ATF2: variants seen among roughly 807,000 people sequenced by gnomAD.
ATF2 encodes the protein cyclic AMP-dependent transcription factor ATF-2.
A neutral mutation model predicts 60.6 loss-of-function variants in ATF2; 24 were observed. The observed-to-expected ratio is 0.40, with a 90% CI of 0.29 to 0.56. The LOEUF is 0.56. Among genes scored for constraint, ATF2 ranks in the 20% least tolerant of loss-of-function variants. The pLI, the probability that ATF2 is intolerant of heterozygous loss-of-function variation, is 0.54. For synonymous variants in ATF2, 206 were observed against 215.4 expected, an observed-to-expected ratio of 0.96 and a Z score of 0.38; for missense variants, 433 against 607.7, an observed-to-expected ratio of 0.71 and a Z score of 3.02.
intron 2 of ATF2, among the ~76,000 whole-genome samples, chr2:175,146,013 T>A (rs183472849): frequency 6.6e-6 from 1 of 152,194 alleles, no homozygotes; most frequent in African/African-American, 2.4e-5. Flanking sequence ...CTGGCAAACA[T>A]CACCTTAATC....
At chr2:175,133,081 T>A (rs1317774045) in intron 3 of ATF2, among the ~76,000 whole-genome samples, 22 of 150,428 alleles carry the variant, frequency 1.5e-4, no homozygotes, top group African/African-American at 5.1e-4. Flanking sequence ...AGAGTGAGAC[T>A]CTGTCTCAAA....
chr2:175,075,481 C>T (rs1270863529), intron 13 of ATF2, among the ~76,000 whole-genome samples: 1 of 152,056 alleles, frequency 6.6e-6, no homozygotes, highest in Non-Finnish European at 1.5e-5. Flanking sequence ...CTAAACATTG[C>T]ATCTGAAAAG....
At chr2:175,141,763 G>A (rs559651071) in intron 2 of ATF2, among the ~76,000 whole-genome samples, 2 of 152,026 alleles carry the variant, frequency 1.3e-5, no homozygotes, top group African/African-American at 4.8e-5. Context: ...GAAGTGCTGG[G>A]ATTACAGGTG....
intron 2 of ATF2, among the ~76,000 whole-genome samples, chr2:175,139,634 C>T (rs1405445041): frequency 6.8e-6 from 1 of 146,020 alleles, no homozygotes; most frequent in East Asian, 2.0e-4. Flanking sequence ...GATCGTGCCA[C>T]TGTGCTGCAA....
rs1696703749 is a variant in ATF2, at chr2:175,118,041, A to G, written c.396T>C (p.Thr132=). 1.2e-6 allele frequency: 2 copies of G among 1,612,076 alleles called. No individual in the cohort carries two copies. The highest frequency in any genetic ancestry group is 8.5e-7 in the Non-Finnish European group (1 of 1,178,768). The part of the protein sequence containing the change: ...KIEEPSVVET[T]HQDSPLPHPE... ...GGTGAGGTAAAGGACTATCCTGGTG[A>G]GTTGTTTCTACAACAGAAGGCTCCT... Residue 132 remains threonine (T), a synonymous_variant, in exon 7 of 14, where the codon ACT becomes ACC. Transcript: ENST00000264110.
chr2:175,077,544 T>G (rs1693424184), intron 13 of ATF2, among the ~76,000 whole-genome samples: 1 of 152,198 alleles, frequency 6.6e-6, no homozygotes, highest in Non-Finnish European at 1.5e-5. Context: ...CCCTGAATGT[T>G]GAGTTCAAGG....
chr2:175,138,529 A>C (rs1189370144), intron 2 of ATF2, among the ~76,000 whole-genome samples: 1 of 152,188 alleles, frequency 6.6e-6, no homozygotes, highest in Non-Finnish European at 1.5e-5. Flanking sequence ...GCTATCATTT[A>C]TATCTAATCT....
intron 10 of ATF2, among the ~76,000 whole-genome samples, chr2:175,100,491 T>C (rs1161773704): frequency 1.3e-5 from 2 of 152,252 alleles, no homozygotes; most frequent in African/African-American, 4.8e-5. Context: ...CTTCAAAGAC[T>C]CTCCTCCCCA....
intron 10 of ATF2, among the ~76,000 whole-genome samples, chr2:175,104,460 G>A (rs900290747): frequency 6.6e-6 from 1 of 152,092 alleles, no homozygotes; most frequent in Admixed American, 6.5e-5. Context: ...TTAAGGTGGT[G>A]GCAGGGTGGG....
Position 175,072,575 on chromosome 2 carries a change from C to A in ATF2, c.*2034G>T, listed in dbSNP as rs1559037204. On this transcript the variant is annotated 3_prime_UTR_variant, in exon 14 of 14. Transcript: ENST00000264110. ...TCTGTTACCAAAGAACCTTAACTTG[C>A]ATAAGTAATAAGATGAAAGAAAAAT... 1 of 152,002 alleles carries A rather than the reference C, an allele frequency of 6.6e-6. No individual in the cohort carries two copies. Among genetic ancestry groups the A allele is most frequent in the African/African-American group, 2.4e-5 (1 of 41,384 alleles). 9.4% of individuals were successfully genotyped at this position (152,002 alleles called of 1,614,324 possible).
At chr2:175,110,291 TG>T (rs1696083210) in intron 10 of ATF2, among the ~76,000 whole-genome samples, 1 of 151,826 alleles carries the variant, frequency 6.6e-6, no homozygotes, top group African/African-American at 2.4e-5. Context: ...GCTGAGATTG[TG>T]CCACTGTACT....
At chr2:175,142,985 G>A (rs1698695738) in intron 2 of ATF2, among the ~76,000 whole-genome samples, 1 of 152,004 alleles carries the variant, frequency 6.6e-6, no homozygotes, top group African/African-American at 2.4e-5. Context: ...TAAGTAGCTG[G>A]GATTACAGGC....
intron 2 of ATF2, among the ~76,000 whole-genome samples, chr2:175,140,211 C>A (rs139520099): frequency 3.9e-5 from 6 of 152,170 alleles, no homozygotes; most frequent in Admixed American, 1.3e-4. Context: ...GCGAAAATGC[C>A]AAAGATTAAA....
intron 2 of ATF2, among the ~76,000 whole-genome samples, chr2:175,137,101 G>A (rs1312356964): frequency 6.6e-6 from 1 of 152,124 alleles, no homozygotes; most frequent in Non-Finnish European, 1.5e-5. Flanking sequence ...AGCTAATGGT[G>A]CATAGAGGAA....
At chr2:175,083,172 A>G (rs1254946319) in intron 12 of ATF2, among the ~76,000 whole-genome samples, 1 of 152,010 alleles carries the variant, frequency 6.6e-6, no homozygotes, top group African/African-American at 2.4e-5. Context: ...GAACCAAAAA[A>G]GAGCCTGCAT....
chr2:175,118,102 G>A lies in ATF2; in HGVS notation c.335C>T (p.Ser112Phe). 1.2e-6 allele frequency: 2 copies of A among 1,611,314 alleles called. No homozygotes were observed. Among genetic ancestry groups the A allele is most frequent in the East Asian group, 2.2e-5 (1 of 44,784 alleles). ...TCTTATGATAGGTGTTGCAAGAGGG[G>A]ATAAATCTAGAGGCATCTATAATTC... ...DDIKKMPLDL[S>F]PLATPIIRSK... Residue 112 changes from serine (S) to phenylalanine (F), a missense_variant, in exon 7 of 14, where the codon TCC (serine) becomes TTC (phenylalanine). Physicochemically the swap from Ser to Phe is radical, Grantham distance 155. Transcript: ENST00000264110.
chr2:175,104,701 T>A (rs867934125), intron 10 of ATF2, among the ~76,000 whole-genome samples: 2 of 152,202 alleles, frequency 1.3e-5, no homozygotes, highest in African/African-American at 2.4e-5. Flanking sequence ...CAGAATTGTT[T>A]ATATGGTGAG....
intron 2 of ATF2, among the ~76,000 whole-genome samples, chr2:175,148,461 A>G (rs1214723053): frequency 6.6e-6 from 1 of 152,142 alleles, no homozygotes; most frequent in Non-Finnish European, 1.5e-5. Context: ...GGGACTGTAA[A>G]CCAAAAATAA....
At chr2:175,125,474 T>C (rs1296169517) in intron 4 of ATF2, among the ~76,000 whole-genome samples, 4 of 152,146 alleles carry the variant, frequency 2.6e-5, no homozygotes, top group South Asian at 2.1e-4. Context: ...TCACTATTAG[T>C]GAGAATTCAA....
Sources: allele counts gnomAD v4.1 joint callset (sites outside exome capture counted in the v4.1 genomes callset), GRCh38; gene constraint gnomAD v4.1.1; transcripts MANE v1.5; gene names NCBI Gene and HGNC (gene_info 2026-07-23, HGNC 2026-07-21).